Variants in WFDC10B observed in about 807,000 individuals in gnomAD.
WFDC10B encodes the protein protein WFDC10B.
A neutral mutation model predicts 2.7 loss-of-function variants in WFDC10B; 1 was observed. That is an observed-to-expected ratio of 0.38 (90% CI 0.13 to 1.79). WFDC10B has a LOEUF of 1.79. WFDC10B is among the 40% of genes most tolerant of loss of function. The probability of loss-of-function intolerance (pLI) is 0.33; values close to 1 mark genes in which losing one functional copy is unlikely to be tolerated. For synonymous variants in WFDC10B, 26 were observed against 32.2 expected (o/e 0.81, Z 0.65); for missense variants, 71 against 87.8 (o/e 0.81, Z 0.76).
chr20:45,688,279 G>A (rs1419911964), intron 2 of WFDC10B, among the ~76,000 whole-genome samples: 1 of 151,716 alleles, frequency 6.6e-6, no homozygotes, highest in African/African-American at 2.4e-5. Flanking sequence ...TATCATTGTT[G>A]GACATTTGGG....
rs574331378 is a variant in WFDC10B, at chr20:45,694,170, A to G, written c.-64-8114T>C. On this transcript the variant is annotated intron_variant, in intron 2 of 3. Coordinates refer to ENST00000330523, the MANE Select transcript of WFDC10B (RefSeq NM_172006.2). ...ATTTGTCAATTTTTGCTTTTGTTGC[A>G]ATTGCTTTTGGTGATTTTGTCATGA... 5.3e-5 allele frequency among the ~76,000 whole-genome samples: 8 copies of G among 152,232 alleles called. No individual in the cohort carries two copies. The South Asian group carries it at 1.7e-3, about 32-fold the overall frequency.
At chr20:45,696,483 T>G (rs1317584822) in intron 2 of WFDC10B, among the ~76,000 whole-genome samples, 4 of 151,234 alleles carry the variant, frequency 2.6e-5, no homozygotes, top group African/African-American at 9.7e-5. Flanking sequence ...TTTTAAAAGA[T>G]CAATAAAATT....
intron 2 of WFDC10B, among the ~76,000 whole-genome samples, chr20:45,688,974 G>A (rs1480743778): frequency 3.2e-4 from 48 of 151,612 alleles, no homozygotes; most frequent in Admixed American, 2.1e-3. Flanking sequence ...ATGGTTTTAG[G>A]TATAACGTTT....
At chr20:45,704,685 T>G in intron 1 of WFDC10B, 124 bp from the exon 2 acceptor site, 2 of 1,451,128 alleles carry the variant, frequency 1.4e-6, no homozygotes, top group Non-Finnish European at 1.8e-6. Context: ...GCTGGATCTC[T>G]CCTTTTTTTT....
intron 2 of WFDC10B, among the ~76,000 whole-genome samples, chr20:45,692,039 C>A (rs1210610319): frequency 6.6e-6 from 1 of 152,138 alleles, no homozygotes; most frequent in Non-Finnish European, 1.5e-5. Flanking sequence ...CTGGTGGTGA[C>A]AAAATCTCTC....
At chr20:45,700,931 G>A (rs1984135000) in intron 2 of WFDC10B, among the ~76,000 whole-genome samples, 1 of 152,104 alleles carries the variant, frequency 6.6e-6, no homozygotes. Flanking sequence ...ATAAACAATG[G>A]GAGAATTTAG....
chr20:45,698,613 G>A (rs1984049286), intron 2 of WFDC10B, among the ~76,000 whole-genome samples: 1 of 149,606 alleles, frequency 6.7e-6, no homozygotes, highest in Admixed American at 6.7e-5. Flanking sequence ...AATGGGCAAA[G>A]GACTTGAATA....
chr20:45,693,263 G>T (rs6104290), intron 2 of WFDC10B, among the ~76,000 whole-genome samples: 28,839 of 152,122 alleles, frequency 0.19, 2,983 homozygotes, highest in East Asian at 0.32. Flanking sequence ...CAGTTAGGCT[G>T]CTCAGGAGTC....
At chr20:45,690,207 A>T (rs1600955451) in intron 2 of WFDC10B, among the ~76,000 whole-genome samples, 2 of 150,076 alleles carry the variant, frequency 1.3e-5, no homozygotes, top group East Asian at 4.0e-4. Context: ...ATCATGGTGG[A>T]TAAGCTTTTT....
intron 2 of WFDC10B, among the ~76,000 whole-genome samples, chr20:45,692,762 TG>T (rs1983854782): frequency 6.6e-6 from 1 of 152,198 alleles, no homozygotes; most frequent in Non-Finnish European, 1.5e-5. Flanking sequence ...TTAACTTCTT[TG>T]CCTTTGGTTT....
In WFDC10B at chr20:45,687,536, G is replaced by T. The variant is rs551947361; in HGVS notation, c.-64-1480C>A. On this transcript the variant is annotated intron_variant, in intron 2 of 3. Transcript: ENST00000330523. ...CTTTGGGTATATACCCAGTAATGGGGTTGCTGGGTCAAATGGTATTTCTGG... is the reference window on the plus strand; with the variant it reads ...CTTTGGGTATATACCCAGTAATGGGTTTGCTGGGTCAAATGGTATTTCTGG... 7.2e-5 allele frequency among the ~76,000 whole-genome samples: 11 copies of T among 152,228 alleles called. No homozygotes were observed. The South Asian group carries it at 8.3e-4, about 11-fold the overall frequency.
At position 45,686,042 on chromosome 20, in the gene WFDC10B, T is replaced by C; in HGVS notation, c.-50A>G. ...AAGTCTGGCCAGGCAGTCACAGACT[T>C]CCCTGCAGAGCTGCCTGTGGAGAGG... On this transcript the variant is annotated 5_prime_UTR_variant, in exon 3 of 4. Coordinates refer to ENST00000330523, the MANE Select transcript of WFDC10B (RefSeq NM_172006.2). The C allele has an allele frequency of 6.3e-7, 1 of 1,599,750 alleles. No individual in the cohort carries two copies. Among genetic ancestry groups the C allele is most frequent in the Non-Finnish European group, 8.5e-7 (1 of 1,172,778 alleles).
intron 2 of WFDC10B, among the ~76,000 whole-genome samples, chr20:45,688,796 T>C (rs1484834785): frequency 4.0e-5 from 6 of 151,696 alleles, no homozygotes; most frequent in Non-Finnish European, 8.8e-5. Flanking sequence ...ATGGGTTGCC[T>C]GTTCTCTGAT....
chr20:45,692,572 T>C (rs538769524), intron 2 of WFDC10B, among the ~76,000 whole-genome samples: 46 of 152,346 alleles, frequency 3.0e-4, no homozygotes, highest in Middle Eastern at 3.4e-3. Context: ...CCTTCTCGCT[T>C]CATTTCATTC....
intron 2 of WFDC10B, among the ~76,000 whole-genome samples, chr20:45,693,006 G>T (rs1159469556): frequency 1.3e-5 from 2 of 152,100 alleles, no homozygotes; most frequent in Admixed American, 1.3e-4. Flanking sequence ...TGGGTTTTTG[G>T]TGTGGATGTC....
Position 45,704,558 on chromosome 20 carries a change from T to C in WFDC10B, c.-126A>G. ...CAGTGCTGTTCCTCCTTCTGTGGGATAGTCTGTTCATCAGAAACATTTCAA... is the reference window on the plus strand; with the variant it reads ...CAGTGCTGTTCCTCCTTCTGTGGGACAGTCTGTTCATCAGAAACATTTCAA... On this transcript the variant is annotated 5_prime_UTR_variant, in exon 2 of 4. Transcript: ENST00000330523. 6.2e-7 allele frequency: 1 copy of C among 1,614,156 alleles called. No individual in the cohort carries two copies. Among genetic ancestry groups the C allele is most frequent in the South Asian group, 1.1e-5 (1 of 91,084 alleles).
At chr20:45,690,400 G>C (rs1015388546) in intron 2 of WFDC10B, among the ~76,000 whole-genome samples, 1 of 152,042 alleles carries the variant, frequency 6.6e-6, no homozygotes, top group South Asian at 2.1e-4. Flanking sequence ...GGTTGGAATA[G>C]TTTCAGAAGG....
intron 2 of WFDC10B, among the ~76,000 whole-genome samples, chr20:45,695,848 G>T (rs1293318108): frequency 2.0e-5 from 3 of 152,064 alleles, no homozygotes; most frequent in Non-Finnish European, 4.4e-5. Flanking sequence ...GGGCATGGTG[G>T]TATGCACCTG....
Position 45,684,939 on chromosome 20 carries a change from C to T in WFDC10B, c.113G>A (p.Arg38Gln), listed in dbSNP as rs148413561. The T allele has an allele frequency of 1.5e-5, 25 of 1,613,726 alleles. No homozygotes were observed. In the African/African-American group the frequency reaches 2.0e-4, roughly 13 times the overall value. ...GTGGATGCATAGATCTATGCTGGGTCGCTTCTCACAGACCTTGATTCCTGA... is the reference window on the plus strand; with the variant it reads ...GTGGATGCATAGATCTATGCTGGGTTGCTTCTCACAGACCTTGATTCCTGA... ...RMQRIKVCEK[R>Q]PSIDLCIHHC... The change falls in exon 4 of 4, where the codon CGA becomes CAA. Residue 38 changes from arginine (R) to glutamine (Q), a missense_variant. Arg to Gln is a conservative substitution (Grantham distance 43, BLOSUM62 1). Transcript: ENST00000330523.
Sources: gnomAD v4.1 joint callset for allele counts (sites outside exome capture counted in the v4.1 genomes callset) on GRCh38, gnomAD v4.1.1 for gene constraint, MANE v1.5 for transcripts, NCBI Gene and HGNC (gene_info 2026-07-23, HGNC 2026-07-21) for gene names.